Variants in DSC2 observed in about 807,000 individuals in gnomAD.
DSC2 encodes desmocollin 2.
Under a neutral mutation model 87.6 loss-of-function variants are expected in DSC2, and 51 were observed. That is an observed-to-expected ratio of 0.58 (90% CI 0.46 to 0.74). The LOEUF is 0.74. DSC2 is among the 30% of genes least tolerant of loss of function. DSC2 has a pLI of 0.00. For missense variants in DSC2, 1,066 were observed against 1,089.5 expected (o/e 0.98, Z 0.30); for synonymous variants, 383 against 393.2 (o/e 0.97, Z 0.31).
rs192669482 is a variant in DSC2 at position 31,092,071 on chromosome 18, T to C, written c.354+30A>G. 6.5e-4 allele frequency: 1,034 copies of C among 1,582,306 alleles called. 7 individuals are homozygous for C. The African/African-American group carries it at 0.011, about 16-fold the overall frequency. On this transcript the variant is annotated intron_variant, in intron 3 of 15. Transcript: ENST00000280904. ...GTTGATTACGTCTGAAGAAAAGATA[T>C]CATTTCTTCATTTATGTAGCCTTGT...
intron 15 of DSC2, 198 bp from the exon 16 acceptor site, chr18:31,068,410 G>A (rs956607744): frequency 2.6e-6 from 4 of 1,510,628 alleles, no homozygotes; most frequent in South Asian, 1.1e-5. Context: ...AGTATAGCAT[G>A]TTTCTAAAAG....
rs1256252633 is a variant in DSC2 at position 31,092,130 on chromosome 18, T to G, written c.325A>C (p.Ile109Leu). 1.9e-6 allele frequency: 3 copies of G among 1,613,012 alleles called. No individual in the cohort carries two copies. In the Admixed American group the frequency reaches 5.0e-5, roughly 27 times the overall value. Residue 109 changes from isoleucine (I) to leucine (L), a missense_variant, in exon 3 of 16, where the codon ATA (isoleucine) becomes CTA (leucine). Ile to Leu is a conservative substitution (Grantham distance 5, BLOSUM62 2). Coordinates refer to ENST00000280904, the MANE Select transcript of DSC2 (RefSeq NM_024422.6). ...GTTTGATGCTCCAAAAAGACAAATA[T>G]TTTCTTCTTTTCTTGGTTCTCAGTG... ...SNTENQEKKK[I>L]FVFLEHQTKV... is the part of the protein sequence containing the mutation.
chr18:31,082,870 A>C, intron 8 of DSC2, 56 bp downstream of exon 8: 1 of 1,590,262 alleles, frequency 6.3e-7, no homozygotes, highest in Non-Finnish European at 8.6e-7. Context: ...AGATGTGCAT[A>C]TTAAACAATT....
intron 8 of DSC2, 58 bp from the exon 9 acceptor site, chr18:31,082,481 C>T (rs910251881): frequency 3.1e-5 from 44 of 1,440,842 alleles, no homozygotes; most frequent in Middle Eastern, 2.0e-4. Flanking sequence ...AAATTGAACA[C>T]GATGTGAAGT....
chr18:31,089,313 A>G, intron 5 of DSC2, 126 bp downstream of exon 5: 1 of 999,354 alleles, frequency 1.0e-6, no homozygotes, highest in Non-Finnish European at 1.6e-6. Context: ...ATTATGTGCT[A>G]TTAGGGAGTA....
chr18:31,091,185 G>A (rs752668065), intron 3 of DSC2, 38 bp from the exon 4 acceptor site: 4 of 1,606,758 alleles, frequency 2.5e-6, no homozygotes, highest in Non-Finnish European at 3.4e-6. Context: ...TAAAGTCAAT[G>A]ACTACTTTAT....
In DSC2 at chr18:31,059,588, A is replaced by C. The variant is rs1400693744; in HGVS notation, c.*8427T>G. 1 of 152,150 alleles carries C rather than the reference A, an allele frequency of 6.6e-6. No homozygotes were observed. The highest frequency in any genetic ancestry group is 1.5e-5 in the Non-Finnish European group (1 of 68,002). 9.4% of individuals were successfully genotyped at this position (152,150 alleles called of 1,614,324 possible). ...GTGAGTTTTTCTTGCTCTGTATTTCATTTACATGAACTTTTCCCTCAATGT... is the reference window on the plus strand; with the variant it reads ...GTGAGTTTTTCTTGCTCTGTATTTCCTTTACATGAACTTTTCCCTCAATGT... On this transcript the variant is annotated 3_prime_UTR_variant, in exon 16 of 16. Coordinates refer to ENST00000280904, the MANE Select transcript of DSC2 (RefSeq NM_024422.6).
chr18:31,068,019 C>T lies in DSC2; in HGVS notation c.2702G>A (p.Arg901Lys). Residue 901 changes from arginine to lysine, a missense_variant, in exon 16 of 16, where the codon AGA becomes AAA. Transcript: ENST00000280904. Reference sequence around the variant, plus strand: ...CAGAGACTTATTAGAACACACTCATCTCTTCATGCATGCTTCTGCTAGTGT... The same window carrying T: ...CAGAGACTTATTAGAACACACTCATTTCTTCATGCATGCTTCTGCTAGTGT... ...FRTLAEACMK[R>K] 1.9e-6 allele frequency: 3 copies of T among 1,613,856 alleles called. No homozygotes were observed. The highest frequency in any genetic ancestry group is 1.7e-6 in the Non-Finnish European group (2 of 1,179,874).
In DSC2 at chr18:31,059,817, A is replaced by T. The variant is rs1598564502; in HGVS notation, c.*8198T>A. 1 of 152,192 alleles carries T rather than the reference A, an allele frequency of 6.6e-6. No homozygotes were observed. The highest frequency in any genetic ancestry group is 2.1e-4 in the South Asian group (1 of 4,834). 9.4% of individuals were successfully genotyped at this position (152,192 alleles called of 1,614,324 possible). ...TTTATGTCTTTTCCCATTTAATTAA[A>T]GTTTTCAAAATAAAATGATTGCATG... On this transcript the variant is annotated 3_prime_UTR_variant, in exon 16 of 16. Coordinates refer to ENST00000280904, the MANE Select transcript of DSC2 (RefSeq NM_024422.6).
rs141972550 is a variant in DSC2 at position 31,086,542 on chromosome 18, C to T, written c.942+34G>A. 334 of 1,613,196 alleles carry T rather than the reference C, an allele frequency of 2.1e-4. 2 individuals carry two copies. In the East Asian group the frequency reaches 6.0e-3, roughly 29 times the overall value. Reference sequence around the variant, plus strand: ...TTATACAGGTACTATTGAATAGCCACGTTATAATCAGGTTTTATTAATGTT... The same window carrying T: ...TTATACAGGTACTATTGAATAGCCATGTTATAATCAGGTTTTATTAATGTT... On this transcript the variant is annotated intron_variant, in intron 7 of 15. Coordinates refer to ENST00000280904, the MANE Select transcript of DSC2 (RefSeq NM_024422.6).
intron 2 of DSC2, among the ~76,000 whole-genome samples, chr18:31,093,273 T>C (rs1453457076): frequency 6.6e-6 from 1 of 152,206 alleles, no homozygotes; most frequent in Non-Finnish European, 1.5e-5. Context: ...CATTAGCTAT[T>C]TTTCCTGATG....
At chr18:31,101,882 G>A (rs1367901145) in intron 1 of DSC2, 21 bp downstream of exon 1, 2 of 1,530,026 alleles carry the variant, frequency 1.3e-6, no homozygotes, top group East Asian at 2.5e-5. Flanking sequence ...TCCCCGGAGC[G>A]GTGGCCGCGG....
intron 1 of DSC2, 100 bp downstream of exon 1, chr18:31,101,803 G>T: frequency 2.5e-6 from 2 of 798,844 alleles, no homozygotes; most frequent in Non-Finnish European, 3.3e-6. Flanking sequence ...CTTCACCCCA[G>T]CTTTTCCCGC....
At chr18:31,072,018 T>C (rs899446910) in intron 12 of DSC2, among the ~76,000 whole-genome samples, 177 bp from the exon 13 acceptor site, 1 of 152,240 alleles carries the variant, frequency 6.6e-6, no homozygotes, top group African/African-American at 2.4e-5. Context: ...TCTATACCCA[T>C]TGCAAACATA....
chr18:31,096,600 G>A (rs1281957428), intron 1 of DSC2, among the ~76,000 whole-genome samples: 1 of 152,156 alleles, frequency 6.6e-6, no homozygotes, highest in East Asian at 1.9e-4. Flanking sequence ...ACGAAGGCTT[G>A]ACATGTGATC....
At chr18:31,076,673 TAG>T (rs1192337586) in intron 11 of DSC2, among the ~76,000 whole-genome samples, 4 of 151,914 alleles carry the variant, frequency 2.6e-5, no homozygotes, top group African/African-American at 9.7e-5. Flanking sequence ...AGAGAAGCAA[TAG>T]TTAAAGAGAT....
chr18:31,097,238 A>G (rs1015841185), intron 1 of DSC2, among the ~76,000 whole-genome samples: 1 of 151,668 alleles, frequency 6.6e-6, no homozygotes, highest in African/African-American at 2.4e-5. Flanking sequence ...CAGTGAGCAG[A>G]GATCACGCCA....
intron 11 of DSC2, among the ~76,000 whole-genome samples, chr18:31,075,718 C>A (rs1161220010): frequency 6.6e-6 from 1 of 152,070 alleles, no homozygotes; most frequent in Non-Finnish European, 1.5e-5. Flanking sequence ...GGCATGGTGG[C>A]ACATGCCTAT....
chr18:31,076,796 T>C (rs981597064), intron 11 of DSC2, among the ~76,000 whole-genome samples: 1 of 152,198 alleles, frequency 6.6e-6, no homozygotes, highest in Non-Finnish European at 1.5e-5. Flanking sequence ...ATACACATTG[T>C]ACTAACACTG....
Sources: gnomAD v4.1 joint callset for allele counts (sites outside exome capture counted in the v4.1 genomes callset) on GRCh38, gnomAD v4.1.1 for gene constraint, MANE v1.5 for transcripts, NCBI Gene and HGNC (gene_info 2026-07-23, HGNC 2026-07-21) for gene names.